SEMA3A: variants seen among roughly 807,000 people sequenced by gnomAD.
SEMA3A encodes the protein semaphorin 3A.
SEMA3A carries 29 observed loss-of-function variants against 97.9 expected under a neutral mutation model. That is an observed-to-expected ratio of 0.30 (90% CI 0.22 to 0.40). The LOEUF (loss-of-function observed/expected upper bound fraction) is 0.40, where lower values mean the gene tolerates loss of function less well. SEMA3A is among the 10% of genes least tolerant of loss of function. SEMA3A has a pLI of 1.00. For synonymous variants in SEMA3A, 321 were observed against 323.7 expected (o/e 0.99, Z 0.09); for missense variants, 763 against 951.3 (o/e 0.80, Z 2.60).
intron 2 of SEMA3A, among the ~76,000 whole-genome samples, chr7:84,370,898 A>T (rs1802957046): frequency 6.6e-6 from 1 of 151,484 alleles, no homozygotes; most frequent in Admixed American, 6.6e-5. Flanking sequence ...ACAGCTATGG[A>T]TGAAACTACT....
chr7:84,420,786 T>C (rs1804568839), intron 1 of SEMA3A, among the ~76,000 whole-genome samples: 1 of 152,096 alleles, frequency 6.6e-6, no homozygotes, highest in Non-Finnish European at 1.5e-5. Flanking sequence ...TAGAGGTGTA[T>C]ATAGTATTCT....
chr7:84,193,628 C>T (rs998999201), intron 1 of SEMA3A, among the ~76,000 whole-genome samples: 3 of 152,128 alleles, frequency 2.0e-5, no homozygotes, highest in African/African-American at 7.2e-5. Flanking sequence ...CATTACTTTA[C>T]ACATCATCTA....
intron 6 of SEMA3A, among the ~76,000 whole-genome samples, chr7:84,035,611 G>A (rs1791915593): frequency 6.6e-6 from 1 of 151,948 alleles, no homozygotes; most frequent in East Asian, 1.9e-4. Flanking sequence ...CAAGAACCAT[G>A]ATTATTCCTA....
At chr7:84,190,552 C>G (rs1278443859) in intron 1 of SEMA3A, among the ~76,000 whole-genome samples, 1 of 150,958 alleles carries the variant, frequency 6.6e-6, no homozygotes, top group Non-Finnish European at 1.5e-5. Context: ...CTTCCCCCCA[C>G]AACTCCCACA....
At chr7:84,054,648 A>C (rs1792865930) in intron 5 of SEMA3A, among the ~76,000 whole-genome samples, 1 of 137,656 alleles carries the variant, frequency 7.3e-6, no homozygotes, top group African/African-American at 2.7e-5. Flanking sequence ...CTTTGGTTTG[A>C]ATGTCCTCCC....
At chr7:84,260,293 C>T (rs982751205) in intron 3 of SEMA3A, among the ~76,000 whole-genome samples, 13 of 152,232 alleles carry the variant, frequency 8.5e-5, no homozygotes, top group South Asian at 2.1e-4. Flanking sequence ...CTGATGGCAG[C>T]GACAACCCAT....
intron 2 of SEMA3A, among the ~76,000 whole-genome samples, chr7:84,335,688 G>T (rs926496690): frequency 6.6e-6 from 1 of 152,046 alleles, no homozygotes; most frequent in African/African-American, 2.4e-5. Context: ...CTTAGAGAGT[G>T]AATATACTAA....
chr7:83,961,869 A>G (rs1788486897), intron 16 of SEMA3A, 43 bp from the exon 17 acceptor site: 1 of 1,422,814 alleles, frequency 7.0e-7, no homozygotes, highest in Non-Finnish European at 9.7e-7. Flanking sequence ...TACATATTTA[A>G]AAGAAATAGA....
intron 1 of SEMA3A, among the ~76,000 whole-genome samples, chr7:84,193,845 A>G (rs951300099): frequency 6.6e-6 from 1 of 152,130 alleles, no homozygotes; most frequent in African/African-American, 2.4e-5. Flanking sequence ...AAGTACATAT[A>G]GAATTAAATA....
At position 84,213,256 on chromosome 7, in the gene SEMA3A, C is replaced by A. The variant is rs139771549; in HGVS notation, c.-82-18588G>T. 8.5e-4 allele frequency among the ~76,000 whole-genome samples: 130 copies of A among 152,184 alleles called. 3 individuals carry two copies. The East Asian group carries it at 0.024, about 28-fold the overall frequency. On this transcript the variant is annotated intron_variant, in intron 3 of 3. Transcript: ENST00000424555. The stretch of plus-strand genomic sequence containing the variant: ...CCTCCCAAAGTGCTGGGATTACAGG[C>A]GTGAGCCATGGTGCCCGGCCTGTTT...
At chr7:84,326,803 C>G in intron 2 of SEMA3A, among the ~76,000 whole-genome samples, 1 of 151,958 alleles carries the variant, frequency 6.6e-6, no homozygotes, top group South Asian at 2.1e-4. Flanking sequence ...TTCCTTACAT[C>G]ATATACAAAA....
intron 1 of SEMA3A, among the ~76,000 whole-genome samples, chr7:84,436,405 T>A (rs539156896): frequency 6.6e-6 from 1 of 152,184 alleles, no homozygotes; most frequent in Admixed American, 6.5e-5. Flanking sequence ...ACCTACACAA[T>A]GGAAGAAAAT....
chr7:84,383,810 G>A (rs1409404707), intron 1 of SEMA3A, among the ~76,000 whole-genome samples: 2 of 152,162 alleles, frequency 1.3e-5, no homozygotes, highest in Non-Finnish European at 2.9e-5. Context: ...CAGTCATAAT[G>A]AGAAATTTGG....
intron 3 of SEMA3A, among the ~76,000 whole-genome samples, chr7:84,283,854 T>C (rs1363840958): frequency 1.3e-5 from 2 of 152,146 alleles, no homozygotes; most frequent in African/African-American, 4.8e-5. Flanking sequence ...TGCCACTTTC[T>C]TTCATTGTGT....
At chr7:84,048,405 A>G (rs780242120) in intron 5 of SEMA3A, among the ~76,000 whole-genome samples, 3 of 152,006 alleles carry the variant, frequency 2.0e-5, no homozygotes, top group Non-Finnish European at 4.4e-5. Flanking sequence ...TTCAAGCACC[A>G]TGACATTTTT....
chr7:84,079,587 C>A (rs537539662), intron 4 of SEMA3A, among the ~76,000 whole-genome samples: 1 of 152,062 alleles, frequency 6.6e-6, no homozygotes, highest in African/African-American at 2.4e-5. Context: ...AGGCAGCCAA[C>A]AGACATATGA....
chr7:84,464,527 G>A (rs949043705), intron 1 of SEMA3A, among the ~76,000 whole-genome samples: 2 of 152,094 alleles, frequency 1.3e-5, no homozygotes, highest in Non-Finnish European at 2.9e-5. Flanking sequence ...ATGAAAGAAC[G>A]AAAGAACTCC....
chr7:84,278,105 G>A (rs1321195944), intron 3 of SEMA3A, among the ~76,000 whole-genome samples: 1 of 152,042 alleles, frequency 6.6e-6, no homozygotes, highest in Admixed American at 6.6e-5. Context: ...AGTACTTTGT[G>A]GCTTAGAAAT....
chr7:84,203,520 A>ATTTTTTTTTTTTTTTT (rs1158876783), intron 3 of SEMA3A, among the ~76,000 whole-genome samples: 2 of 50,206 alleles, frequency 4.0e-5, no homozygotes, highest in African/African-American at 1.5e-4. Flanking sequence ...ATATATATAT[A>ATTTTTTTTTTTTTTTT]TATATATTTT....
Sources: gnomAD v4.1 joint callset for allele counts (sites outside exome capture counted in the v4.1 genomes callset) on GRCh38, gnomAD v4.1.1 for gene constraint, MANE v1.5 for transcripts, NCBI Gene and HGNC (gene_info 2026-07-23, HGNC 2026-07-21) for gene names.